ARHGAP32: variants seen among roughly 807,000 people sequenced by gnomAD.
ARHGAP32 encodes the protein rho GTPase-activating protein 32.
Under a neutral mutation model 186.5 loss-of-function variants are expected in ARHGAP32, and 51 were observed. That is an observed-to-expected ratio of 0.27 (90% CI 0.22 to 0.35). ARHGAP32 has a LOEUF of 0.35. Ranked by LOEUF, ARHGAP32 falls within the 10% of genes least tolerant of loss-of-function variation. The pLI is 1.00. For missense variants in ARHGAP32, 2,186 were observed against 2,623.5 expected (o/e 0.83, Z 3.64); for synonymous variants, 950 against 964.3 (o/e 0.99, Z 0.27).
intron 2 of ARHGAP32, among the ~76,000 whole-genome samples, chr11:129,154,726 G>A (rs567786585): frequency 1.3e-5 from 2 of 152,234 alleles, no homozygotes; most frequent in African/African-American, 2.4e-5. Flanking sequence ...TTTGGCACTC[G>A]AGGGGAAGGG....
intron 6 of ARHGAP32, among the ~76,000 whole-genome samples, chr11:129,086,752 C>T (rs1348750194): frequency 6.8e-6 from 1 of 146,460 alleles, no homozygotes; most frequent in African/African-American, 2.5e-5. Context: ...ACCCGGGAGG[C>T]AGAGCTTGCA....
intron 5 of ARHGAP32, among the ~76,000 whole-genome samples, chr11:129,109,654 A>T (rs2135334059): frequency 6.6e-6 from 1 of 152,008 alleles, no homozygotes; most frequent in Admixed American, 6.5e-5. Context: ...GTGGGTTTTG[A>T]TTTGTATTTC....
chr11:129,277,640 G>A (rs1055391351), intron 1 of ARHGAP32, among the ~76,000 whole-genome samples: 7 of 152,276 alleles, frequency 4.6e-5, no homozygotes, highest in South Asian at 2.1e-4. Context: ...ACCACGGTAC[G>A]AAGATAACTG....
At chr11:129,072,097 TAGG>T (rs1368102575) in intron 6 of ARHGAP32, among the ~76,000 whole-genome samples, 1 of 152,078 alleles carries the variant, frequency 6.6e-6, no homozygotes, top group Non-Finnish European at 1.5e-5. Flanking sequence ...AAGTTGTAGT[TAGG>T]AGGAATAAGT....
chr11:129,233,680 C>T (rs1944888166), intron 1 of ARHGAP32, among the ~76,000 whole-genome samples: 1 of 150,134 alleles, frequency 6.7e-6, no homozygotes, highest in African/African-American at 2.4e-5. Context: ...AAAGTAACTG[C>T]AGTATATTCA....
chr11:129,089,924 T>C lies in ARHGAP32; in HGVS notation c.531+3697A>G, dbSNP rs138871036. Among the ~76,000 whole-genome samples, 322 of 152,284 alleles carry C rather than the reference T, an allele frequency of 2.1e-3. 2 individuals carry two copies. The highest frequency in any genetic ancestry group is 7.4e-3 in the African/African-American group (307 of 41,566). Reference sequence around the variant, plus strand: ...TGTCATGGGATTATCTGAAAAACAATGGATGCTATCAATTATCTTTTTAAA... The same window carrying C: ...TGTCATGGGATTATCTGAAAAACAACGGATGCTATCAATTATCTTTTTAAA... On this transcript the variant is annotated intron_variant, in intron 6 of 22. Transcript: ENST00000682385.
At chr11:129,221,049 G>A (rs1433571903) in intron 1 of ARHGAP32, among the ~76,000 whole-genome samples, 2 of 151,522 alleles carry the variant, frequency 1.3e-5, no homozygotes, top group African/African-American at 4.9e-5. Context: ...ATACAGCTCA[G>A]AAGATGCTAT....
At chr11:129,078,452 C>T (rs184819455) in intron 6 of ARHGAP32, among the ~76,000 whole-genome samples, 14 of 152,244 alleles carry the variant, frequency 9.2e-5, no homozygotes, top group East Asian at 5.8e-4. Context: ...CGAACAAAAA[C>T]GAACTCTTTG....
At chr11:129,038,887 C>T (rs1344306357) in intron 11 of ARHGAP32, among the ~76,000 whole-genome samples, 1 of 42,376 alleles carries the variant, frequency 2.4e-5, no homozygotes, top group East Asian at 5.2e-4. Flanking sequence ...GACCCTGTCT[C>T]GAAAAAAAAA....
At chr11:129,114,298 T>G (rs765243391) in intron 5 of ARHGAP32, among the ~76,000 whole-genome samples, 1 of 152,178 alleles carries the variant, frequency 6.6e-6, no homozygotes. Context: ...TCTCTGCATA[T>G]CCAAATTCTA....
intron 11 of ARHGAP32, among the ~76,000 whole-genome samples, chr11:129,000,685 C>T (rs557266908): frequency 1.7e-4 from 26 of 151,998 alleles, no homozygotes; most frequent in Non-Finnish European, 2.8e-4. Context: ...CTGTAGTCAG[C>T]CTGTTGTGCT....
At chr11:129,191,000 G>A (rs1944259224) in intron 1 of ARHGAP32, among the ~76,000 whole-genome samples, 1 of 152,038 alleles carries the variant, frequency 6.6e-6, no homozygotes, top group Non-Finnish European at 1.5e-5. Context: ...TCATTTATTT[G>A]AACCCCAGAG....
At chr11:129,020,562 T>A (rs533235380) in intron 11 of ARHGAP32, among the ~76,000 whole-genome samples, 17 of 152,166 alleles carry the variant, frequency 1.1e-4, no homozygotes, top group African/African-American at 3.6e-4. Flanking sequence ...TTTATAAAAA[T>A]TATTTTTTGA....
chr11:129,115,110 T>C (rs1942329517), intron 5 of ARHGAP32, among the ~76,000 whole-genome samples: 1 of 152,130 alleles, frequency 6.6e-6, no homozygotes, highest in African/African-American at 2.4e-5. Context: ...AAACAAGTTT[T>C]CTTTCACCTC....
chr11:129,053,313 G>T (rs1940129032), intron 10 of ARHGAP32, among the ~76,000 whole-genome samples: 1 of 152,038 alleles, frequency 6.6e-6, no homozygotes, highest in African/African-American at 2.4e-5. Flanking sequence ...AAAAGGAAAA[G>T]AAATACAAAA....
chr11:129,257,775 G>C (rs1248977796), intron 1 of ARHGAP32, among the ~76,000 whole-genome samples: 1 of 146,834 alleles, frequency 6.8e-6, no homozygotes, highest in African/African-American at 2.5e-5. Context: ...ATTTTTTTCA[G>C]AATGAACAAT....
chr11:129,227,485 A>G (rs1591706635), intron 1 of ARHGAP32, among the ~76,000 whole-genome samples: 3 of 152,064 alleles, frequency 2.0e-5, no homozygotes, highest in Admixed American at 2.0e-4. Flanking sequence ...AAAAAAAAAA[A>G]AACTGAACTA....
chr11:129,193,716 AT>A (rs1452507482), upstream of ARHGAP32, among the ~76,000 whole-genome samples: 3 of 43,844 alleles, frequency 6.8e-5, no homozygotes, highest in African/African-American at 2.4e-4. Flanking sequence ...TATATTATAT[AT>A]TATATATTAT....
chr11:129,250,382 T>C (rs528840754), intron 1 of ARHGAP32, among the ~76,000 whole-genome samples: 8 of 152,368 alleles, frequency 5.3e-5, no homozygotes, highest in African/African-American at 1.9e-4. Context: ...TGTGAAATGA[T>C]AACTCATTTT....
Sources: gnomAD v4.1 joint callset for allele counts (sites outside exome capture counted in the v4.1 genomes callset) on GRCh38, gnomAD v4.1.1 for gene constraint, MANE v1.5 for transcripts, NCBI Gene and HGNC (gene_info 2026-07-23, HGNC 2026-07-21) for gene names.